FAF1: variants seen among roughly 807,000 people sequenced by gnomAD.
FAF1 encodes the protein FAS-associated factor 1.
FAF1 carries 25 observed loss-of-function variants against 92.5 expected under a neutral mutation model. The ratio of observed to expected loss-of-function variants is 0.27; its 90% confidence interval spans 0.20 to 0.38. The LOEUF (loss-of-function observed/expected upper bound fraction) is 0.38. FAF1 is among the 10% of genes least tolerant of loss of function. FAF1 has a pLI of 1.00. For missense variants in FAF1, 636 were observed against 793.3 expected, an observed-to-expected ratio of 0.80 and a Z score of 2.38; for synonymous variants, 234 against 273.2, an observed-to-expected ratio of 0.86 and a Z score of 1.42.
At chr1:50,610,684 A>C (rs1243708713) in intron 8 of FAF1, among the ~76,000 whole-genome samples, 47 of 152,082 alleles carry the variant, frequency 3.1e-4, no homozygotes, top group Non-Finnish European at 1.3e-4. Context: ...TTCAAGGTTC[A>C]TTTCACTTTT....
chr1:50,790,396 TC>T (rs1287502974), intron 3 of FAF1, among the ~76,000 whole-genome samples: 1 of 152,098 alleles, frequency 6.6e-6, no homozygotes, highest in African/African-American at 2.4e-5. Flanking sequence ...TGCCTCGGCC[TC>T]CCAAAGTGCA....
chr1:50,795,867 T>C (rs1661729536), intron 3 of FAF1, among the ~76,000 whole-genome samples: 1 of 152,136 alleles, frequency 6.6e-6, no homozygotes, highest in Non-Finnish European at 1.5e-5. Flanking sequence ...ATAGAGTGAC[T>C]GGTCCTGATT....
At chr1:50,646,868 C>T (rs967847015) in intron 8 of FAF1, among the ~76,000 whole-genome samples, 15 of 152,164 alleles carry the variant, frequency 9.9e-5, no homozygotes, top group African/African-American at 3.6e-4. Flanking sequence ...TCTTTTGAGA[C>T]ATAGTCTCGC....
At chr1:50,521,318 C>T (rs1010278594) in intron 15 of FAF1, among the ~76,000 whole-genome samples, 2 of 152,054 alleles carry the variant, frequency 1.3e-5, no homozygotes, top group Non-Finnish European at 2.9e-5. Context: ...TATAAGGCCC[C>T]ATGGGAAATA....
chr1:50,689,189 T>C (rs534732610), intron 7 of FAF1, among the ~76,000 whole-genome samples: 1 of 152,354 alleles, frequency 6.6e-6, no homozygotes, highest in South Asian at 2.1e-4. Context: ...TTTTGTTATG[T>C]ATATTTTACA....
intron 8 of FAF1, among the ~76,000 whole-genome samples, chr1:50,619,365 G>C (rs1653084706): frequency 6.6e-6 from 1 of 152,198 alleles, no homozygotes; most frequent in Non-Finnish European, 1.5e-5. Flanking sequence ...GTTTGTTGTA[G>C]TGGTATCATT....
At chr1:50,925,997 C>CT (rs1645003532) in intron 1 of FAF1, among the ~76,000 whole-genome samples, 1 of 152,182 alleles carries the variant, frequency 6.6e-6, no homozygotes, top group Non-Finnish European at 1.5e-5. Context: ...AGGAGGGTCG[C>CT]TTAAGGCCAG....
intron 18 of FAF1, among the ~76,000 whole-genome samples, chr1:50,459,725 C>T (rs901584465): frequency 6.6e-6 from 1 of 152,180 alleles, no homozygotes; most frequent in African/African-American, 2.4e-5. Context: ...TCTCCCTTTT[C>T]CAGGCTTTCA....
At chr1:50,458,602 T>C (rs913853058) in intron 18 of FAF1, among the ~76,000 whole-genome samples, 3 of 152,168 alleles carry the variant, frequency 2.0e-5, no homozygotes, top group Non-Finnish European at 4.4e-5. Context: ...CTCAAACACA[T>C]TTAAAAAATT....
chr1:50,934,326 T>C (rs1466199054), intron 1 of FAF1, among the ~76,000 whole-genome samples: 1 of 152,240 alleles, frequency 6.6e-6, no homozygotes, highest in Non-Finnish European at 1.5e-5. Flanking sequence ...TGTAGATCCA[T>C]ATTTCCATCT....
chr1:50,600,510 G>T (rs1270858003), intron 8 of FAF1, among the ~76,000 whole-genome samples: 1 of 151,952 alleles, frequency 6.6e-6, no homozygotes, highest in Non-Finnish European at 1.5e-5. Flanking sequence ...AAAGCTCCTT[G>T]CCACATATAC....
At chr1:50,612,307 GTTACAATGAA>G in intron 8 of FAF1, 1 of 1,154,446 alleles carries the variant, frequency 8.7e-7, no homozygotes, top group Non-Finnish European at 1.1e-6. Flanking sequence ...GAAATCTTCA[GTTACAATGAA>G]AAGGTTATTT....
At chr1:50,644,451 T>C (rs1203396173) in intron 8 of FAF1, among the ~76,000 whole-genome samples, 1 of 152,208 alleles carries the variant, frequency 6.6e-6, no homozygotes, top group African/African-American at 2.4e-5. Context: ...ACCCTATGCA[T>C]GCACAGAGAC....
intron 12 of FAF1, among the ~76,000 whole-genome samples, chr1:50,570,192 A>T (rs566485094): frequency 6.6e-5 from 10 of 152,366 alleles, no homozygotes; most frequent in Middle Eastern, 6.8e-3. Flanking sequence ...GGGCCAATTC[A>T]CAAAGCCTAG....
At chr1:50,490,787 T>C (rs1002992945) in intron 16 of FAF1, 122 bp from the exon 17 acceptor site, 13 of 711,584 alleles carry the variant, frequency 1.8e-5, no homozygotes, top group Non-Finnish European at 3.0e-5. Context: ...CAAAGGCTCA[T>C]TGTCAACATG....
intron 6 of FAF1, among the ~76,000 whole-genome samples, chr1:50,731,215 C>T (rs1262620879): frequency 6.6e-6 from 1 of 152,122 alleles, no homozygotes. Context: ...GGCTGTCCAC[C>T]ATGTGAAAGA....
intron 6 of FAF1, among the ~76,000 whole-genome samples, chr1:50,709,499 T>G (rs1032283026): frequency 1.3e-5 from 2 of 152,332 alleles, no homozygotes; most frequent in Middle Eastern, 3.4e-3. Flanking sequence ...AACTACTGAT[T>G]ATCATTTTTT....
chr1:50,553,651 T>C (rs1210548212), intron 13 of FAF1, among the ~76,000 whole-genome samples: 3 of 152,116 alleles, frequency 2.0e-5, no homozygotes, highest in South Asian at 2.1e-4. Context: ...CCGGCACCTT[T>C]AGAAGGGGCT....
At chr1:50,701,402 C>A (rs201724827) in intron 7 of FAF1, among the ~76,000 whole-genome samples, 1 of 151,220 alleles carries the variant, frequency 6.6e-6, no homozygotes, top group Non-Finnish European at 1.5e-5. Context: ...ACAAACAAAC[C>A]AAAAAAAACA....
Sources: gnomAD v4.1 joint callset for allele counts (sites outside exome capture counted in the v4.1 genomes callset) on GRCh38, gnomAD v4.1.1 for gene constraint, MANE v1.5 for transcripts, NCBI Gene and HGNC (gene_info 2026-07-23, HGNC 2026-07-21) for gene names.